CADM1: variants seen among roughly 807,000 people sequenced by gnomAD.
CADM1 encodes the protein cell adhesion molecule 1, also known as TSLC-1.
A neutral mutation model predicts 53.1 loss-of-function variants in CADM1; 15 were observed. That is an observed-to-expected ratio of 0.28 (90% confidence interval 0.19 to 0.44). The LOEUF is 0.44. Ranked by LOEUF, CADM1 falls within the 20% of genes least tolerant of loss-of-function variation. The pLI, the probability that CADM1 is intolerant of heterozygous loss-of-function variation, is 1.00. For missense variants in CADM1, 434 were observed against 611.3 expected, an observed-to-expected ratio of 0.71 and a Z score of 3.06; for synonymous variants, 281 against 243.0, an observed-to-expected ratio of 1.16 and a Z score of -1.45.
chr11:115,186,786 G>C (rs1284588152), intron 10 of CADM1, among the ~76,000 whole-genome samples: 2 of 152,062 alleles, frequency 1.3e-5, no homozygotes, highest in African/African-American at 4.8e-5. Flanking sequence ...CCTTCTTCCA[G>C]CCCCAGCCCT....
At chr11:115,470,148 T>A (rs1303390338) in intron 1 of CADM1, among the ~76,000 whole-genome samples, 2 of 152,272 alleles carry the variant, frequency 1.3e-5, no homozygotes, top group African/African-American at 4.8e-5. Context: ...TAAAGTATTC[T>A]GTAAACTACA....
At chr11:115,422,302 G>GA (rs1193786095) in intron 1 of CADM1, among the ~76,000 whole-genome samples, 1 of 152,064 alleles carries the variant, frequency 6.6e-6, no homozygotes, top group Non-Finnish European at 1.5e-5. Context: ...TCAAGTTGCT[G>GA]AAAAAATACT....
At chr11:115,290,404 C>T (rs1340910859) in intron 1 of CADM1, among the ~76,000 whole-genome samples, 2 of 152,158 alleles carry the variant, frequency 1.3e-5, no homozygotes, top group Non-Finnish European at 2.9e-5. Context: ...CAGCTCACTC[C>T]TCTGCTTTCC....
At chr11:115,300,540 A>G (rs1299924292) in intron 1 of CADM1, among the ~76,000 whole-genome samples, 1 of 152,164 alleles carries the variant, frequency 6.6e-6, no homozygotes. Context: ...TTAAGCATAT[A>G]TATCACAGAA....
intron 1 of CADM1, among the ~76,000 whole-genome samples, chr11:115,462,908 A>G (rs1422256679): frequency 6.6e-6 from 1 of 152,130 alleles, no homozygotes; most frequent in African/African-American, 2.4e-5. Context: ...AAAGAAGGAA[A>G]GGGGATGAAG....
At chr11:115,367,164 T>C (rs1459313949) in intron 1 of CADM1, among the ~76,000 whole-genome samples, 1 of 152,234 alleles carries the variant, frequency 6.6e-6, no homozygotes, top group Non-Finnish European at 1.5e-5. Context: ...CAGTGAGCTA[T>C]GATTGCGCCT....
rs141031613 is a variant in CADM1, at chr11:115,239,669, C to T, written c.271+605G>A. Among the ~76,000 whole-genome samples, 92 of 150,860 alleles carry T rather than the reference C, an allele frequency of 6.1e-4. No homozygotes were observed. The East Asian group carries it at 0.013, about 22-fold the overall frequency. On this transcript the variant is annotated intron_variant, in intron 2 of 11. Coordinates refer to ENST00000331581, the MANE Select transcript of CADM1 (RefSeq NM_001301043.2). The stretch of plus-strand genomic sequence containing the variant: ...GGACAAGCAGCTGGGAAGAGACATG[C>T]TTCGCTTTGGTTAGGCACCGATGCT...
At chr11:115,464,500 C>T (rs1948857137) in intron 1 of CADM1, among the ~76,000 whole-genome samples, 1 of 152,178 alleles carries the variant, frequency 6.6e-6, no homozygotes, top group African/African-American at 2.4e-5. Context: ...CAGACTAACC[C>T]ACAATCCACA....
chr11:115,209,674 A>C lies in CADM1; in HGVS notation c.995-17T>G. 3 of 1,612,566 alleles carry C rather than the reference A, an allele frequency of 1.9e-6. No homozygotes were observed. Among genetic ancestry groups the C allele is most frequent in the Non-Finnish European group, 2.5e-6 (3 of 1,179,554 alleles). On this transcript the variant is annotated splice_polypyrimidine_tract_variant and intron_variant, in intron 7 of 11. Transcript: ENST00000331581. The stretch of plus-strand genomic sequence containing the variant: ...TGGGGGGATCTGGATAGAAAAAAAA[A>C]GGAAAATCAAACCCACAATGCTGAA...
chr11:115,473,074 GTAT>G (rs1321982463), intron 1 of CADM1, among the ~76,000 whole-genome samples: 2 of 152,198 alleles, frequency 1.3e-5, no homozygotes, highest in African/African-American at 4.8e-5. Context: ...CCTAGTTTAA[GTAT>G]TAATGCAATC....
At chr11:115,394,406 A>G (rs997252597) in intron 1 of CADM1, among the ~76,000 whole-genome samples, 12 of 152,304 alleles carry the variant, frequency 7.9e-5, no homozygotes, top group African/African-American at 2.9e-4. Context: ...TTAGCTTTCT[A>G]TCTAGCTCCA....
chr11:115,480,445 G>C (rs1274504304), intron 1 of CADM1, among the ~76,000 whole-genome samples: 1 of 152,080 alleles, frequency 6.6e-6, no homozygotes, highest in Non-Finnish European at 1.5e-5. Context: ...TTTCTGAGCT[G>C]GTCTCCTCAT....
chr11:115,422,883 A>G (rs367751593), intron 1 of CADM1, among the ~76,000 whole-genome samples: 1 of 152,318 alleles, frequency 6.6e-6, no homozygotes, highest in East Asian at 1.9e-4. Context: ...GAAGATTTTC[A>G]AGATTCTGTT....
intron 1 of CADM1, among the ~76,000 whole-genome samples, chr11:115,348,350 TGCAGACACATGCA>T (rs1945638411): frequency 6.6e-6 from 1 of 152,234 alleles, no homozygotes; most frequent in South Asian, 2.1e-4. Flanking sequence ...AATTTCTTCC[TGCAGACACATGCA>T]GAAGACAAAT....
intron 1 of CADM1, among the ~76,000 whole-genome samples, chr11:115,332,018 G>C (rs1278051750): frequency 6.6e-6 from 1 of 152,108 alleles, no homozygotes; most frequent in African/African-American, 2.4e-5. Context: ...ATGCCCAGGT[G>C]CCTGAGCGTA....
intron 1 of CADM1, among the ~76,000 whole-genome samples, chr11:115,284,114 CTGTGTGTGTGTGTGTGTG>C (rs751286330): frequency 2.0e-5 from 2 of 98,614 alleles, no homozygotes; most frequent in Admixed American, 1.2e-4. Context: ...CTCTCTCTCT[CTGTGTGTGTGTGTGTGTG>C]TGTGTGTGTG....
intron 10 of CADM1, among the ~76,000 whole-genome samples, chr11:115,187,580 A>G (rs546946843): frequency 6.6e-4 from 101 of 152,242 alleles, no homozygotes; most frequent in Non-Finnish European, 1.2e-3. Flanking sequence ...AGCTGGGACT[A>G]TAGGTGCATG....
intron 1 of CADM1, among the ~76,000 whole-genome samples, chr11:115,455,543 A>C (rs2135360298): frequency 6.6e-6 from 1 of 152,304 alleles, no homozygotes. Flanking sequence ...AACTGTGGAA[A>C]AGATTCCAGT....
intron 1 of CADM1, among the ~76,000 whole-genome samples, chr11:115,334,601 G>A (rs917242590): frequency 6.6e-6 from 1 of 151,964 alleles, no homozygotes; most frequent in Admixed American, 6.6e-5. Flanking sequence ...CTTTATCATA[G>A]GTATGTATGT....
Sources: gnomAD v4.1 joint callset for allele counts (sites outside exome capture counted in the v4.1 genomes callset) on GRCh38, gnomAD v4.1.1 for gene constraint, MANE v1.5 for transcripts, NCBI Gene and HGNC (gene_info 2026-07-23, HGNC 2026-07-21) for gene names.